SCN7A: variants seen among roughly 807,000 people sequenced by gnomAD.
SCN7A encodes the protein sodium voltage-gated channel alpha subunit 7, also known as sodium channel protein type 7 subunit alpha.
Under a neutral mutation model 155.2 loss-of-function variants are expected in SCN7A, and 138 were observed. The ratio of observed to expected loss-of-function variants is 0.89; its 90% CI spans 0.77 to 1.02. The LOEUF (loss-of-function observed/expected upper bound fraction) is 1.02, where lower values mean the gene tolerates loss of function less well. Among genes scored for constraint, SCN7A ranks in the 50% least tolerant of loss-of-function variants. SCN7A has a pLI of 0.00. For missense variants in SCN7A, 2,058 were observed against 1,986.6 expected (o/e 1.04, Z -0.68); for synonymous variants, 693 against 649.0 (o/e 1.07, Z -1.03).
chr2:166,455,301 A>T (rs1702250391), intron 11 of SCN7A, among the ~76,000 whole-genome samples: 1 of 152,170 alleles, frequency 6.6e-6, no homozygotes, highest in Non-Finnish European at 1.5e-5. Flanking sequence ...ATCTATTAGA[A>T]GGCAATGTAC....
chr2:166,427,975 TA>T (rs752135079), intron 17 of SCN7A, 33 bp from the exon 18 acceptor site: 2 of 1,601,068 alleles, frequency 1.2e-6, no homozygotes, highest in South Asian at 2.2e-5. Flanking sequence ...AACAACAATC[TA>T]GAAAACTCAT....
chr2:166,475,193 G>GA (rs1323951327), intron 3 of SCN7A, among the ~76,000 whole-genome samples: 1 of 142,252 alleles, frequency 7.0e-6, no homozygotes, highest in African/African-American at 2.6e-5. Context: ...TATCCATTTG[G>GA]AAAAAAAATC....
At position 166,465,870 on chromosome 2, in the gene SCN7A, C is replaced by A; in HGVS notation, c.782G>T (p.Gly261Val). 6.2e-7 allele frequency: 1 copy of A among 1,613,752 alleles called. No homozygotes were observed. Among genetic ancestry groups the A allele is most frequent in the Non-Finnish European group, 8.5e-7 (1 of 1,179,842 alleles). Residue 261 changes from glycine to valine, a missense_variant, in exon 8 of 26, where the codon GGC becomes GTC. Transcript: ENST00000643258. ...FSLIGMGLFM[G>V]NLKHKCFRWP... ...TCGAAAACATTTATGTTTCAAGTTG[C>A]CCATGAAGAGCCCCATCCCAATTAG...
rs1701389858 is a variant in SCN7A at position 166,416,887 on chromosome 2, G to T, written c.3234C>A (p.Asp1078Glu). 4 of 1,613,262 alleles carry T rather than the reference G, an allele frequency of 2.5e-6. No homozygotes were observed. The highest frequency in any genetic ancestry group is 3.4e-6 in the Non-Finnish European group (4 of 1,179,662). ...IWLIFSIMGVDLFAGRFYECI... is the reference protein window; with the variant it reads ...IWLIFSIMGVELFAGRFYECI... Reference sequence around the variant, plus strand: ...ATTCATAGAATCTGCCAGCAAATAAGTCTACTCCCATGATACTAAAAATCA... The same window carrying T: ...ATTCATAGAATCTGCCAGCAAATAATTCTACTCCCATGATACTAAAAATCA... The change falls in exon 21 of 26, where the codon GAC (aspartate) becomes GAA (glutamate). Residue 1078 changes from aspartate (D) to glutamate (E), a missense_variant. Physicochemically the swap from Asp to Glu is conservative, Grantham distance 45. Transcript: ENST00000643258.
chr2:166,464,300 C>A (rs1702480421), intron 9 of SCN7A, among the ~76,000 whole-genome samples: 1 of 151,846 alleles, frequency 6.6e-6, no homozygotes, highest in Non-Finnish European at 1.5e-5. Context: ...ATGCTCTCCT[C>A]CCCCAGAAGC....
At chr2:166,465,691 A>G (rs1285058812) in intron 8 of SCN7A, 90 bp downstream of exon 8, 2 of 1,420,318 alleles carry the variant, frequency 1.4e-6, no homozygotes, top group Admixed American at 1.8e-5. Flanking sequence ...GGAATCTAAC[A>G]AAATGTTGAG....
intron 21 of SCN7A, among the ~76,000 whole-genome samples, chr2:166,413,994 TATATATATAA>T (rs1294729167): frequency 2.0e-5 from 2 of 101,086 alleles, no homozygotes; most frequent in South Asian, 2.7e-4. Context: ...TATATATATA[TATATATATAA>T]ATATACTATA....
In SCN7A at chr2:166,405,752, G is replaced by A. The variant is rs758164669; in HGVS notation, c.4877C>T (p.Ala1626Val). Reference sequence around the variant, plus strand: ...ACGTTGAATGATGGTTGCTGAAACTGCCTCTTGTTTTCGTTTCAAAGTAGT... The same window carrying A: ...ACGTTGAATGATGGTTGCTGAAACTACCTCTTGTTTTCGTTTCAAAGTAGT... ...ITTTLKRKQE[A>V]VSATIIQRAY... Residue 1626 changes from alanine (A) to valine (V), a missense_variant, in exon 26 of 26, where the codon GCA (alanine) becomes GTA (valine). Physicochemically the swap from Ala to Val is moderately conservative, Grantham distance 64. Coordinates refer to ENST00000643258, the MANE Select transcript of SCN7A (RefSeq NM_002976.4). The A allele has an allele frequency of 3.1e-6, 5 of 1,612,894 alleles. No individual in the cohort carries two copies. The South Asian group carries it at 4.4e-5, about 14-fold the overall frequency.
At chr2:166,415,491 G>C (rs1400543732) in intron 21 of SCN7A, among the ~76,000 whole-genome samples, 1 of 151,956 alleles carries the variant, frequency 6.6e-6, no homozygotes, top group African/African-American at 2.4e-5. Context: ...CCAAAGTGCT[G>C]GGATTACAGG....
intron 1 of SCN7A, among the ~76,000 whole-genome samples, chr2:166,491,336 C>T (rs1322555184): frequency 6.6e-6 from 1 of 152,148 alleles, no homozygotes; most frequent in Non-Finnish European, 1.5e-5. Context: ...CAGAGCCGTC[C>T]ATTGAGCTGG....
chr2:166,476,889 T>C (rs1394604062), intron 3 of SCN7A, among the ~76,000 whole-genome samples: 2 of 152,070 alleles, frequency 1.3e-5, no homozygotes, highest in African/African-American at 2.4e-5. Flanking sequence ...TTCTTTCAGC[T>C]TCATTGGTTC....
rs966885292 is a variant in SCN7A at position 166,457,856 on chromosome 2, C to T, written c.1084-780G>A. Among the ~76,000 whole-genome samples the T allele has an allele frequency of 3.3e-5, 5 of 151,784 alleles. No individual in the cohort carries two copies. In the East Asian group the frequency reaches 7.7e-4, roughly 24 times the overall value. On this transcript the variant is annotated intron_variant, in intron 10 of 25. Transcript: ENST00000643258. ...ACCTCATTGATCAAAAGTACATGAA[C>T]AAAATTTAAGGAAACAAATGAGAAA... is the stretch of plus-strand genomic sequence containing the variant.
chr2:166,418,385 G>C (rs1701437873), intron 20 of SCN7A, among the ~76,000 whole-genome samples: 1 of 144,868 alleles, frequency 6.9e-6, no homozygotes. Flanking sequence ...ACCCACCTCG[G>C]CCTCCCAAAG....
intron 13 of SCN7A, among the ~76,000 whole-genome samples, 186 bp from the exon 14 acceptor site, chr2:166,443,862 A>G (rs1275585184): frequency 6.6e-6 from 1 of 152,220 alleles, no homozygotes; most frequent in Non-Finnish European, 1.5e-5. Flanking sequence ...TTATTTAACA[A>G]TCTAATGTCA....
intron 20 of SCN7A, among the ~76,000 whole-genome samples, chr2:166,418,873 T>C (rs1002736204): frequency 3.3e-5 from 5 of 152,196 alleles, no homozygotes; most frequent in Non-Finnish European, 7.3e-5. Flanking sequence ...AACTTCCTAA[T>C]ATACTCAATG....
chr2:166,414,130 T>A (rs1219333034), intron 21 of SCN7A, among the ~76,000 whole-genome samples: 3 of 68,730 alleles, frequency 4.4e-5, no homozygotes, highest in African/African-American at 2.5e-4. Context: ...TAATATATTA[T>A]ATATATGTAA....
chr2:166,473,950 T>A, intron 4 of SCN7A, 62 bp from the exon 5 acceptor site: 5 of 850,236 alleles, frequency 5.9e-6, no homozygotes, highest in Non-Finnish European at 8.9e-6. Flanking sequence ...ATTTCTATGA[T>A]ATATATTTCT....
At chr2:166,437,872 T>C (rs1253441938) in intron 15 of SCN7A, among the ~76,000 whole-genome samples, 2 of 152,154 alleles carry the variant, frequency 1.3e-5, no homozygotes, top group Non-Finnish European at 2.9e-5. Flanking sequence ...CTTACCCACA[T>C]TGTATCTAGT....
intron 21 of SCN7A, chr2:166,414,401 C>G (rs1189471499): frequency 7.6e-6 from 1 of 132,428 alleles, no homozygotes; most frequent in African/African-American, 2.8e-5. Flanking sequence ...TTTTTACCAC[C>G]ACTGATCAAG....
Sources: allele counts gnomAD v4.1 joint callset (sites outside exome capture counted in the v4.1 genomes callset), GRCh38; gene constraint gnomAD v4.1.1; transcripts MANE v1.5; gene names NCBI Gene and HGNC (gene_info 2026-07-23, HGNC 2026-07-21).